SYNE2: variants seen among roughly 807,000 people sequenced by gnomAD.
SYNE2 encodes the protein spectrin repeat containing nuclear envelope protein 2.
In SYNE2, 431 loss-of-function variants were observed where a neutral mutation model predicts 856.3. The observed-to-expected ratio is 0.50, with a 90% CI of 0.47 to 0.55. The LOEUF (loss-of-function observed/expected upper bound fraction) is 0.55. Among genes scored for constraint, SYNE2 ranks in the 20% least tolerant of loss-of-function variants. The pLI, the probability that SYNE2 is intolerant of heterozygous loss-of-function variation, is 0.00. For synonymous variants in SYNE2, 2,923 were observed against 2,872.3 expected (o/e 1.02, Z -0.56); for missense variants, 8,129 against 8,023.2 (o/e 1.01, Z -0.50).
intron 114 of SYNE2, 112 bp downstream of exon 114, chr14:64,224,659 T>A (rs2098710202): frequency 5.9e-6 from 7 of 1,193,974 alleles, no homozygotes; most frequent in Non-Finnish European, 8.6e-6. Flanking sequence ...ACAGCACAGG[T>A]CTCTGCTGAC....
chr14:63,783,463 C>G (rs1048397680), intron 1 of SYNE2, among the ~76,000 whole-genome samples: 1 of 152,056 alleles, frequency 6.6e-6, no homozygotes. Context: ...CTGCAACCTC[C>G]GCCTCCCGGG....
At chr14:64,089,468 G>A (rs1303309881) in intron 58 of SYNE2, 106 bp from the exon 59 acceptor site, 1 of 1,037,418 alleles carries the variant, frequency 9.6e-7, no homozygotes, top group African/African-American at 1.7e-5. Flanking sequence ...ATAGATGGCA[G>A]ACATTATTTG....
intron 1 of SYNE2, among the ~76,000 whole-genome samples, chr14:63,862,556 T>TTATAAA: frequency 6.6e-6 from 1 of 152,212 alleles, no homozygotes; most frequent in African/African-American, 2.4e-5. Flanking sequence ...TACTTGTCAC[T>TTATAAA]ACCGTGAATA....
chr14:64,131,247 A>G (rs61987279), intron 76 of SYNE2, among the ~76,000 whole-genome samples: 3,409 of 152,268 alleles, frequency 0.022, 44 homozygotes, highest in African/African-American at 0.037. Flanking sequence ...CTCTATGTAT[A>G]TGTCCTTTTC....
At chr14:64,126,884 C>T in intron 73 of SYNE2, 77 bp downstream of exon 73, 1 of 1,415,240 alleles carries the variant, frequency 7.1e-7, no homozygotes, top group Non-Finnish European at 9.8e-7. Context: ...ATTCCTATTC[C>T]TGGTGACATT....
chr14:64,186,292 C>T, intron 96 of SYNE2, 132 bp from the exon 97 acceptor site: 1 of 1,181,462 alleles, frequency 8.5e-7, no homozygotes, highest in Non-Finnish European at 1.3e-6. Flanking sequence ...GGCTGTTTCC[C>T]ATTCAGAAGG....
At chr14:64,021,241 C>A in intron 35 of SYNE2, 74 bp from the exon 36 acceptor site, 2 of 1,160,632 alleles carry the variant, frequency 1.7e-6, no homozygotes, top group Non-Finnish European at 1.3e-6. Flanking sequence ...TCAACCCATT[C>A]TCTAGCAATG....
intron 6 of SYNE2, among the ~76,000 whole-genome samples, chr14:63,949,288 T>C (rs1191607967): frequency 6.6e-6 from 1 of 152,202 alleles, no homozygotes; most frequent in Non-Finnish European, 1.5e-5. Context: ...CTGTATAATA[T>C]AATAAAAGCT....
In SYNE2 at chr14:64,017,704, T is replaced by C. The variant is rs1366776808; in HGVS notation, c.4997T>C (p.Leu1666Pro). The part of the protein sequence containing the change: ...NVIDEWTEKA[L>P]QKMELHQLTE... ...ATTGATGAGTGGACAGAAAAGGCCC[T>C]TCAAAAAATGGAATTACATCAATTG... is the stretch of plus-strand genomic sequence containing the variant. The change falls in exon 34 of 116, where the codon CTT becomes CCT. Residue 1666 changes from leucine to proline, a missense_variant. Leu to Pro is a moderately conservative substitution (Grantham distance 98). This residue lies in a region of SYNE2 where 2,422 missense variants were observed against 2,357.4 expected (regional missense o/e 1.03). Transcript: ENST00000555002. 3 of 1,613,620 alleles carry C rather than the reference T, an allele frequency of 1.9e-6. No homozygotes were observed. The African/African-American group carries it at 4.0e-5, about 22-fold the overall frequency.
chr14:63,799,749 T>C (rs557907354), intron 1 of SYNE2, among the ~76,000 whole-genome samples: 85 of 152,256 alleles, frequency 5.6e-4, no homozygotes, highest in Non-Finnish European at 1.1e-3. Context: ...AACAAAAATG[T>C]TTCGTTTATT....
intron 96 of SYNE2, among the ~76,000 whole-genome samples, chr14:64,178,611 G>A (rs751540782): frequency 3.5e-4 from 54 of 152,130 alleles, no homozygotes; most frequent in East Asian, 1.2e-3. Flanking sequence ...GGCATGCACC[G>A]CCATGCCCGG....
At chr14:64,172,883 C>A (rs1369833533) in intron 94 of SYNE2, among the ~76,000 whole-genome samples, 2 of 151,536 alleles carry the variant, frequency 1.3e-5, no homozygotes, top group Non-Finnish European at 2.9e-5. Flanking sequence ...TGCAACGAGC[C>A]ATGGTCACAC....
chr14:63,819,771 C>T (rs576123254), intron 1 of SYNE2, among the ~76,000 whole-genome samples: 6 of 151,516 alleles, frequency 4.0e-5, no homozygotes, highest in Non-Finnish European at 8.8e-5. Flanking sequence ...CTCCTGACCT[C>T]GTGATCCACC....
intron 111 of SYNE2, among the ~76,000 whole-genome samples, chr14:64,221,020 C>T (rs2098691775): frequency 6.6e-6 from 1 of 152,146 alleles, no homozygotes; most frequent in Admixed American, 6.5e-5. Context: ...ATTGAACCTC[C>T]TAGACCTCAG....
At chr14:63,831,367 C>T (rs932220785) in intron 1 of SYNE2, among the ~76,000 whole-genome samples, 2 of 151,878 alleles carry the variant, frequency 1.3e-5, no homozygotes, top group Non-Finnish European at 2.9e-5. Context: ...TTTTTACTTT[C>T]CAGTATCTAA....
rs372523173 is a variant in SYNE2, at chr14:64,014,929, TTATA to T, written c.4729-1501_4729-1498del. ...TTATTTGGTCATGGTGTATAATTCCTTATATATATATATATATATATATATATAT... is the reference window on the plus strand; with the variant it reads ...TTATTTGGTCATGGTGTATAATTCCTTATATATATATATATATATATATAT... On this transcript the variant is annotated intron_variant, in intron 32 of 115. Coordinates refer to ENST00000555002, the MANE Select transcript of SYNE2 (RefSeq NM_182914.3). 6.0e-3 allele frequency among the ~76,000 whole-genome samples: 469 copies of T among 78,592 alleles called. 2 individuals are homozygous for T. The highest frequency in any genetic ancestry group is 0.01 in the East Asian group (26 of 2,588). The allele number at this position is 78,592 out of a possible 152,430, so 51.6% of individuals were successfully genotyped here. A position where few individuals can be genotyped will look rare whatever the true frequency, so the allele number is the denominator to read the frequency against.
intron 1 of SYNE2, among the ~76,000 whole-genome samples, chr14:63,825,524 A>G (rs1264862301): frequency 6.6e-6 from 1 of 152,180 alleles, no homozygotes; most frequent in Non-Finnish European, 1.5e-5. Flanking sequence ...ACTAATTACC[A>G]ATAGATTTAC....
intron 11 of SYNE2, among the ~76,000 whole-genome samples, chr14:63,974,020 A>G (rs966928401): frequency 6.6e-6 from 1 of 152,216 alleles, no homozygotes; most frequent in Non-Finnish European, 1.5e-5. Flanking sequence ...GCTTGAGGCC[A>G]GGAGTTCAAG....
intron 28 of SYNE2, among the ~76,000 whole-genome samples, chr14:64,000,976 G>A (rs2096749764): frequency 6.6e-6 from 1 of 152,284 alleles, no homozygotes; most frequent in African/African-American, 2.4e-5. Context: ...AAGTTCAGAG[G>A]CCACACAGTC....
Sources: allele counts gnomAD v4.1 joint callset (sites outside exome capture counted in the v4.1 genomes callset), GRCh38; gene constraint gnomAD v4.1.1; regional missense constraint gnomAD v4.1.1; transcripts MANE v1.5; gene names NCBI Gene and HGNC (gene_info 2026-07-23, HGNC 2026-07-21).